SCN11A: variants seen among roughly 807,000 people sequenced by gnomAD.
SCN11A encodes sodium channel protein type 11 subunit alpha.
In SCN11A, 122 loss-of-function variants were observed where a neutral mutation model predicts 162.2. The ratio of observed to expected loss-of-function variants is 0.75; its 90% confidence interval spans 0.65 to 0.87. The LOEUF is 0.87. SCN11A is among the 40% of genes least tolerant of loss of function. SCN11A has a pLI of 0.00. For synonymous variants in SCN11A, 758 were observed against 751.5 expected (o/e 1.01, Z -0.14); for missense variants, 2,015 against 2,181.6 (o/e 0.92, Z 1.52).
chr3:38,923,826 C>T (rs2066092451), intron 9 of SCN11A, among the ~76,000 whole-genome samples: 1 of 152,112 alleles, frequency 6.6e-6, no homozygotes, highest in Non-Finnish European at 1.5e-5. Flanking sequence ...CAGGGAGAAA[C>T]TTCAGACTGC....
At chr3:38,927,127 C>A (rs2066155653) in intron 7 of SCN11A, among the ~76,000 whole-genome samples, 196 bp from the exon 8 acceptor site, 1 of 152,064 alleles carries the variant, frequency 6.6e-6, no homozygotes, top group Admixed American at 6.6e-5. Flanking sequence ...GAGAAACAGG[C>A]CCAGAGATAA....
intron 1 of SCN11A, among the ~76,000 whole-genome samples, chr3:39,032,800 A>C (rs1037983646): frequency 3.3e-5 from 5 of 152,184 alleles, no homozygotes; most frequent in Non-Finnish European, 7.3e-5. Context: ...TGAATTCAGA[A>C]GACCCATATG....
At chr3:38,975,197 G>T (rs1253274756) in intron 2 of SCN11A, among the ~76,000 whole-genome samples, 2 of 151,818 alleles carry the variant, frequency 1.3e-5, no homozygotes, top group African/African-American at 2.4e-5. Context: ...ACCATTAAAA[G>T]ATCCTCACTG....
intron 2 of SCN11A, among the ~76,000 whole-genome samples, chr3:38,991,544 AC>A (rs565074014): frequency 5.8e-4 from 88 of 152,328 alleles, no homozygotes; most frequent in Non-Finnish European, 1.1e-3. Context: ...TCCTAAAGTT[AC>A]TTGACAGCTT....
chr3:38,967,466 A>G (rs142029197), intron 2 of SCN11A, among the ~76,000 whole-genome samples: 55 of 152,336 alleles, frequency 3.6e-4, no homozygotes, highest in South Asian at 2.3e-3. Context: ...CTTACCAGCC[A>G]TATGAGTAAG....
chr3:38,959,344 A>G lies in SCN11A; in HGVS notation c.-139+939T>C, dbSNP rs188656841. ...GAAAATCTCAAGCCGAAACAATTCC[A>G]TTCCAGGCCTTATACTCTTAGCCAC... On this transcript the variant is annotated intron_variant, in intron 3 of 29. Transcript: ENST00000302328. 9.3e-3 allele frequency among the ~76,000 whole-genome samples: 1,410 copies of G among 152,342 alleles called. 13 individuals are homozygous for G. The highest frequency in any genetic ancestry group is 0.017 in the Non-Finnish European group (1,127 of 68,042).
chr3:38,900,488 C>G (rs1039691266), intron 16 of SCN11A, among the ~76,000 whole-genome samples: 1 of 152,030 alleles, frequency 6.6e-6, no homozygotes, highest in African/African-American at 2.4e-5. Flanking sequence ...GCCCTGAAAA[C>G]TAAGGATAAT....
At chr3:39,043,762 C>T (rs2032115848) in intron 1 of SCN11A, among the ~76,000 whole-genome samples, 1 of 152,080 alleles carries the variant, frequency 6.6e-6, no homozygotes, top group South Asian at 2.1e-4. Context: ...GACAGTATTT[C>T]ATAGCACAAC....
At chr3:38,959,201 C>T (rs1488478102) in intron 3 of SCN11A, among the ~76,000 whole-genome samples, 4 of 152,158 alleles carry the variant, frequency 2.6e-5, no homozygotes, top group Admixed American at 2.0e-4. Flanking sequence ...GATTATCTTT[C>T]AGAATTTCCC....
intron 7 of SCN11A, among the ~76,000 whole-genome samples, chr3:38,927,159 G>T (rs2066156335): frequency 6.6e-6 from 1 of 152,160 alleles, no homozygotes; most frequent in Non-Finnish European, 1.5e-5. Context: ...GCATTTCAAG[G>T]CCTAGCTTTA....
intron 8 of SCN11A, among the ~76,000 whole-genome samples, 193 bp from the exon 9 acceptor site, chr3:38,925,702 G>T (rs1215745664): frequency 2.0e-5 from 3 of 152,242 alleles, no homozygotes; most frequent in Non-Finnish European, 4.4e-5. Context: ...AACTGCAGAG[G>T]ACGCTGTTCT....
At position 38,894,638 on chromosome 3, in the gene SCN11A, C is replaced by A. The variant is rs185952904; in HGVS notation, c.2730G>T (p.Arg910Ser). The change falls in exon 19 of 30, where the codon AGG becomes AGT. Residue 910 changes from arginine (R) to serine (S), a missense_variant. Physicochemically the swap from Arg to Ser is moderately radical, Grantham distance 110. Transcript: ENST00000302328. ...LTSVPKTLGV[R>S]HDWTWLAPLA... is the part of the protein sequence containing the mutation. ...GTGGTGCCAACCAAGTCCAATCATG[C>A]CTGACGCCCAGGGTCTTTGGTACAG... is the stretch of plus-strand genomic sequence containing the variant. The A allele has an allele frequency of 1.2e-6, 2 of 1,614,062 alleles. No homozygotes were observed. Among genetic ancestry groups the A allele is most frequent in the Non-Finnish European group, 1.7e-6 (2 of 1,180,008 alleles).
intron 27 of SCN11A, 40 bp from the exon 28 acceptor site, chr3:38,863,339 T>C: frequency 2.0e-6 from 2 of 1,022,854 alleles, no homozygotes; most frequent in Non-Finnish European, 3.0e-6. Flanking sequence ...TTTAACAGTT[T>C]TTTTTTTAAT....
intron 17 of SCN11A, among the ~76,000 whole-genome samples, chr3:38,898,226 A>C (rs1290875582): frequency 6.6e-6 from 1 of 152,266 alleles, no homozygotes; most frequent in Admixed American, 6.5e-5. Flanking sequence ...CAACAGAGCC[A>C]AACTCTGTCT....
intron 7 of SCN11A, among the ~76,000 whole-genome samples, chr3:38,929,163 A>G (rs1033925136): frequency 2.9e-5 from 4 of 137,300 alleles, no homozygotes; most frequent in Non-Finnish European, 6.5e-5. Flanking sequence ...ACACACACAC[A>G]CACACACACA....
intron 27 of SCN11A, among the ~76,000 whole-genome samples, chr3:38,863,762 G>A (rs1176945052): frequency 1.3e-5 from 2 of 151,828 alleles, no homozygotes; most frequent in African/African-American, 4.8e-5. Flanking sequence ...AAAAAAAAAA[G>A]TTCTAACTAT....
At chr3:38,945,236 T>C (rs768267829) in intron 7 of SCN11A, among the ~76,000 whole-genome samples, 175 bp downstream of exon 7, 5 of 152,202 alleles carry the variant, frequency 3.3e-5, no homozygotes, top group Non-Finnish European at 5.9e-5. Context: ...TGTGAACATA[T>C]GTGTGCTGTT....
chr3:39,002,388 G>C (rs947798584), intron 2 of SCN11A, among the ~76,000 whole-genome samples: 2 of 152,200 alleles, frequency 1.3e-5, no homozygotes, highest in African/African-American at 4.8e-5. Context: ...AAAAAGAGCT[G>C]AGTTTCACCA....
intron 26 of SCN11A, among the ~76,000 whole-genome samples, chr3:38,867,757 A>G (rs1202027519): frequency 1.3e-5 from 2 of 152,260 alleles, no homozygotes; most frequent in South Asian, 4.2e-4. Context: ...TGTCTTTTTA[A>G]AAAGTCATCC....
Sources: allele counts gnomAD v4.1 joint callset (sites outside exome capture counted in the v4.1 genomes callset), GRCh38; gene constraint gnomAD v4.1.1; transcripts MANE v1.5; gene names NCBI Gene and HGNC (gene_info 2026-07-23, HGNC 2026-07-21).